Variants in HRNR observed in about 807,000 individuals in gnomAD.
HRNR encodes hornerin.
Under a neutral mutation model 4.8 loss-of-function variants are expected in HRNR, and 7 were observed. That is an observed-to-expected ratio of 1.47 (90% CI 0.83 to 2.75). The LOEUF is 2.75. Ranked by LOEUF, HRNR falls within the 30% of genes most tolerant of loss-of-function variation. The pLI, the probability that HRNR is intolerant of heterozygous loss-of-function variation, is 0.00. For missense variants in HRNR, 2,879 were observed against 3,010.4 expected, an observed-to-expected ratio of 0.96 and a Z score of 1.02; for synonymous variants, 1,023 against 1,242.7, an observed-to-expected ratio of 0.82 and a Z score of 3.72.
chr1:152,219,610 G>T lies in HRNR; in HGVS notation c.2019C>A (p.Ser673=), dbSNP rs1186355884. The change falls in exon 3 of 3, where the codon TCC becomes TCA. Residue 673 remains serine (S), a synonymous_variant. Coordinates refer to ENST00000368801, the MANE Select transcript of HRNR (RefSeq NM_001009931.3). ...GRHGSDFGHS[S]SYGQHGSGSG... ...AGCCAGACCCATGTTGGCCGTAGCT[G>T]GAAGAGTGCCCAAAATCGGACCCAT... 1 of 1,609,796 alleles carries T rather than the reference G, an allele frequency of 6.2e-7. No individual in the cohort carries two copies. The highest frequency in any genetic ancestry group is 8.5e-7 in the Non-Finnish European group (1 of 1,177,548).
rs761998946 is a variant in HRNR at position 152,221,197 on chromosome 1, G to T, written c.432C>A (p.Val144=). The part of the protein sequence containing the change: ...AGENDSYSRN[V]RGSLKPGTES... Reference sequence around the variant, plus strand: ...CAGTCCCAGGTTTAAGACTTCCTCTGACGTTTCTGGAATAGGAATCATTCT... The same window carrying T: ...CAGTCCCAGGTTTAAGACTTCCTCTTACGTTTCTGGAATAGGAATCATTCT... The change falls in exon 3 of 3, where the codon GTC becomes GTA. Residue 144 remains valine (V), a synonymous_variant. Coordinates refer to ENST00000368801, the MANE Select transcript of HRNR (RefSeq NM_001009931.3). 3 of 1,614,094 alleles carry T rather than the reference G, an allele frequency of 1.9e-6. No individual in the cohort carries two copies. The highest frequency in any genetic ancestry group is 2.5e-6 in the Non-Finnish European group (3 of 1,180,030).
Position 152,213,211 on chromosome 1 carries a change from C to A in HRNR, c.8418G>T (p.Gly2806=), listed in dbSNP as rs768688889. 3.7e-6 allele frequency: 6 copies of A among 1,614,132 alleles called. No homozygotes were observed. In the Admixed American group the frequency reaches 1.0e-4, roughly 27 times the overall value. Residue 2806 remains glycine (G), a synonymous_variant, in exon 3 of 3, where the codon GGG becomes GGT. Coordinates refer to ENST00000368801, the MANE Select transcript of HRNR (RefSeq NM_001009931.3). ...SGYSQHGSGS[G]QDGYSYCKGG... ...CTTTGCAATAAGAATACCCATCTTG[C>A]CCTGAGCCACTTCCATGCTGACTAT... is the stretch of plus-strand genomic sequence containing the variant.
Position 152,218,765 on chromosome 1 carries a change from G to T in HRNR, c.2864C>A (p.Ser955Tyr). 1 of 1,614,004 alleles carries T rather than the reference G, an allele frequency of 6.2e-7. No individual in the cohort carries two copies. Among genetic ancestry groups the T allele is most frequent in the Non-Finnish European group, 8.5e-7 (1 of 1,180,028 alleles). ...TQHGSGSGHSSSYEQHGSRSG... is the reference protein window; with the variant it reads ...TQHGSGSGHSYSYEQHGSRSG... ...CCTAGAGCCGTGTTGTTCGTAGCTG[G>T]AGGAGTGACCTGAGCCAGATCCATG... The change falls in exon 3 of 3, where the codon TCC (serine) becomes TAC (tyrosine). Residue 955 changes from serine to tyrosine, a missense_variant. Physicochemically the swap from Ser to Tyr is moderately radical, Grantham distance 144 (BLOSUM62 -2). Transcript: ENST00000368801.
chr1:152,219,022 C>T lies in HRNR; in HGVS notation c.2607G>A (p.Gln869=), dbSNP rs142836430. The T allele has an allele frequency of 6.2e-7, 1 of 1,613,958 alleles. No homozygotes were observed. The highest frequency in any genetic ancestry group is 8.5e-7 in the Non-Finnish European group (1 of 1,179,982). ...SSSGQSSSYG[Q]HESASHHASG... is the part of the protein sequence containing the mutation. ...AAGCGTGATGGGAGGCAGACTCATGCTGACCATAGCTGGAAGATTGACCTG... is the reference window on the plus strand; with the variant it reads ...AAGCGTGATGGGAGGCAGACTCATGTTGACCATAGCTGGAAGATTGACCTG... The change falls in exon 3 of 3, where the codon CAG becomes CAA. Residue 869 remains glutamine, a synonymous_variant. Coordinates refer to ENST00000368801, the MANE Select transcript of HRNR (RefSeq NM_001009931.3).
rs201281270 is a variant in HRNR, at chr1:152,221,400, T to G, written c.229A>C (p.Met77Leu). ...KKVDFTEYLL[M>L]IFKLVQARNK... The stretch of plus-strand genomic sequence containing the variant: ...CGAGCCTGAACCAGCTTGAATATCA[T>G]CAGAAGATACTCAGTAAAATCCACT... The change falls in exon 3 of 3, where the codon ATG becomes CTG. Residue 77 changes from methionine (M) to leucine (L), a missense_variant. Physicochemically the swap from Met to Leu is conservative, Grantham distance 15. Coordinates refer to ENST00000368801, the MANE Select transcript of HRNR (RefSeq NM_001009931.3). 396 of 1,613,736 alleles carry G rather than the reference T, an allele frequency of 2.5e-4. No homozygotes were observed. Among genetic ancestry groups the G allele is most frequent in the South Asian group, 4.8e-4 (44 of 91,056 alleles).
Position 152,218,664 on chromosome 1 carries a change from C to T in HRNR, c.2965G>A (p.Gly989Ser). The change falls in exon 3 of 3, where the codon GGC (glycine) becomes AGC (serine). Residue 989 changes from glycine to serine, a missense_variant. Physicochemically the swap from Gly to Ser is moderately conservative, Grantham distance 56. Coordinates refer to ENST00000368801, the MANE Select transcript of HRNR (RefSeq NM_001009931.3). ...SSSSYGQHGS[G>S]SRQSLGHGQH... ...CCGTGGCCCAAAGACTGACGGGAGC[C>T]AGACCCATGCTGACCATAGCTGGAA... 6.2e-7 allele frequency: 1 copy of T among 1,613,856 alleles called. No individual in the cohort carries two copies. The highest frequency in any genetic ancestry group is 8.5e-7 in the Non-Finnish European group (1 of 1,179,996).
In HRNR at chr1:152,218,930, G is replaced by C. The variant is rs1432865922; in HGVS notation, c.2699C>G (p.Ser900Ter). ...SPGHGQRGSG[S>*]GQSPSYGRHG... Reference sequence around the variant, plus strand: ...TCGGCCATAGCTGGGAGACTGCCCTGACCCAGACCCACGCTGGCCGTGGCC... The same window carrying C: ...TCGGCCATAGCTGGGAGACTGCCCTCACCCAGACCCACGCTGGCCGTGGCC... The change falls in exon 3 of 3, where the codon TCA (serine) becomes TGA (stop). Residue 900 changes from serine to a stop codon, truncating the protein, a stop_gained. Transcript: ENST00000368801. LOFTEE classifies it low-confidence loss of function (END_TRUNC). The C allele has an allele frequency of 1.2e-6, 2 of 1,613,768 alleles. No homozygotes were observed. The highest frequency in any genetic ancestry group is 1.6e-4 in the Middle Eastern group (1 of 6,082).
At position 152,218,814 on chromosome 1, in the gene HRNR, C is replaced by G. The variant is rs200852837; in HGVS notation, c.2815G>C (p.Gly939Arg). 1.0e-4 allele frequency: 169 copies of G among 1,613,222 alleles called. 1 individual carries two copies. The highest frequency in any genetic ancestry group is 1.7e-5 in the Admixed American group (1 of 59,936). Residue 939 changes from glycine to arginine, a missense_variant, in exon 3 of 3, where the codon GGG becomes CGG. Physicochemically the swap from Gly to Arg is moderately radical, Grantham distance 125 (BLOSUM62 -2). Transcript: ENST00000368801. ...TGCTGAGTGTAACCAGAGGACTGCC[C>G]TGAGCTAGACTTGTGACCAAAGCCA... The part of the protein sequence containing the change: ...SSGFGHKSSS[G>R]QSSGYTQHGS...
Position 152,219,013 on chromosome 1 carries a change from A to T in HRNR, c.2616T>A (p.Ser872=), listed in dbSNP as rs564308462. The stretch of plus-strand genomic sequence containing the variant: ...CGCGGCCCGAAGCGTGATGGGAGGC[A>T]GACTCATGCTGACCATAGCTGGAAG... ...GQSSSYGQHE[S]ASHHASGRGR... The change falls in exon 3 of 3, where the codon TCT becomes TCA. Residue 872 remains serine (S), a synonymous_variant. Coordinates refer to ENST00000368801, the MANE Select transcript of HRNR (RefSeq NM_001009931.3). 4.3e-6 allele frequency: 7 copies of T among 1,612,974 alleles called. No homozygotes were observed. In the Admixed American group the frequency reaches 5.0e-5, roughly 12 times the overall value.
chr1:152,219,621 C>A lies in HRNR; in HGVS notation c.2008G>T (p.Gly670Trp), dbSNP rs759793201. The change falls in exon 3 of 3, where the codon GGG becomes TGG. Residue 670 changes from glycine (G) to tryptophan (W), a missense_variant. Coordinates refer to ENST00000368801, the MANE Select transcript of HRNR (RefSeq NM_001009931.3). ...TGTTGGCCGTAGCTGGAAGAGTGCCCAAAATCGGACCCATGTCGGCCGCGA... is the reference window on the plus strand; with the variant it reads ...TGTTGGCCGTAGCTGGAAGAGTGCCAAAAATCGGACCCATGTCGGCCGCGA... ...PSRGRHGSDF[G>W]HSSSYGQHGS... The A allele has an allele frequency of 1.2e-6, 2 of 1,609,950 alleles. No homozygotes were observed. The highest frequency in any genetic ancestry group is 1.7e-6 in the Non-Finnish European group (2 of 1,177,694).
In HRNR at chr1:152,212,754, G is replaced by A; in HGVS notation, c.*322C>T. The A allele has an allele frequency of 1.1e-5, 4 of 375,054 alleles. No homozygotes were observed. The South Asian group carries it at 1.4e-4, about 13-fold the overall frequency. 23.2% of individuals were successfully genotyped at this position (375,054 alleles called of 1,614,324 possible). A position where few individuals can be genotyped will look rare whatever the true frequency, so the allele number is the denominator to read the frequency against. On this transcript the variant is annotated 3_prime_UTR_variant, in exon 3 of 3. Coordinates refer to ENST00000368801, the MANE Select transcript of HRNR (RefSeq NM_001009931.3). ...TTGGCACCATCTATAAATGAATGAT[G>A]AGCTCTCAAAAAGACAACTCCAACT...
Position 152,219,904 on chromosome 1 carries a change from C to G in HRNR, c.1725G>C (p.Glu575Asp), listed in dbSNP as rs779205456. 2.5e-6 allele frequency: 4 copies of G among 1,613,478 alleles called. No individual in the cohort carries two copies. The highest frequency in any genetic ancestry group is 1.7e-5 in the Admixed American group (1 of 59,958). ...AGCCAGAAGAGTGACCGGAGCCAGA[C>G]TCATATGGGCCACGGCTTGAAGACC... is the stretch of plus-strand genomic sequence containing the variant. ...SGRSSSRGPYESGSGHSSGLG... is the reference protein window; with the variant it reads ...SGRSSSRGPYDSGSGHSSGLG... Residue 575 changes from glutamate (E) to aspartate (D), a missense_variant, in exon 3 of 3, where the codon GAG becomes GAC. By Grantham distance (45) the Glu-to-Asp change is conservative. Transcript: ENST00000368801.
chr1:152,222,996 C>G (rs1385622349), intron 2 of HRNR, 120 bp downstream of exon 2: 6 of 1,023,452 alleles, frequency 5.9e-6, no homozygotes, highest in East Asian at 4.9e-5. Flanking sequence ...TTTACCAAAC[C>G]CTGTTCTCTC....
chr1:152,220,300 C>T lies in HRNR; in HGVS notation c.1329G>A (p.Gly443=), dbSNP rs1225739773. The change falls in exon 3 of 3, where the codon GGG becomes GGA. Residue 443 remains glycine (G), a synonymous_variant. Transcript: ENST00000368801. ...TGCTGGAAGATCGACCAAAGCCAGTCCCATGTTGGCCGGAGCTGGGAGACT... is the reference window on the plus strand; with the variant it reads ...TGCTGGAAGATCGACCAAAGCCAGTTCCATGTTGGCCGGAGCTGGGAGACT... ...SGQSPSSGQH[G]TGFGRSSSSG... The T allele has an allele frequency of 6.8e-6, 11 of 1,613,842 alleles. No homozygotes were observed. The highest frequency in any genetic ancestry group is 9.3e-6 in the Non-Finnish European group (11 of 1,179,988).
rs1452823014 is a variant in HRNR at position 152,218,840 on chromosome 1, G to T, written c.2789C>A (p.Ser930Tyr). 6.2e-7 allele frequency: 1 copy of T among 1,613,930 alleles called. No homozygotes were observed. The highest frequency in any genetic ancestry group is 8.5e-7 in the Non-Finnish European group (1 of 1,179,998). The change falls in exon 3 of 3, where the codon TCT becomes TAT. Residue 930 changes from serine to tyrosine, a missense_variant. Coordinates refer to ENST00000368801, the MANE Select transcript of HRNR (RefSeq NM_001009931.3). ...TGAGCTAGACTTGTGACCAAAGCCA[G>T]AAGACTGGCCTGAGCCAGACCCATG... Reference protein sequence around the residue: ...GRHGSGSGQSSGFGHKSSSGQ... With the variant: ...GRHGSGSGQSYGFGHKSSSGQ...
rs532401490 is a variant in HRNR, at chr1:152,212,308, A to G, written c.*768T>C. 3.9e-5 allele frequency: 6 copies of G among 152,330 alleles called. 1 individual carries two copies. The highest frequency in any genetic ancestry group is 1.4e-4 in the African/African-American group (6 of 41,570). 9.4% of individuals were successfully genotyped at this position (152,330 alleles called of 1,614,324 possible). A position where few individuals can be genotyped will look rare whatever the true frequency, so the allele number is the denominator to read the frequency against. On this transcript the variant is annotated 3_prime_UTR_variant, in exon 3 of 3. Transcript: ENST00000368801. Reference sequence around the variant, plus strand: ...GAATAACTCCTCAATATATTTCCCAATATTGAGCAGCCTCTTAGAAATAGG... The same window carrying G: ...GAATAACTCCTCAATATATTTCCCAGTATTGAGCAGCCTCTTAGAAATAGG...
At position 152,218,903 on chromosome 1, in the gene HRNR, T is replaced by C. The variant is rs758761361; in HGVS notation, c.2726A>G (p.His909Arg). The C allele has an allele frequency of 4.3e-6, 7 of 1,613,474 alleles. No homozygotes were observed. The South Asian group carries it at 6.6e-5, about 15-fold the overall frequency. Residue 909 changes from histidine (H) to arginine (R), a missense_variant, in exon 3 of 3, where the codon CAT becomes CGT. Transcript: ENST00000368801. ...GGAAGACCGACCGGAGCCAGACCCA[T>C]GTCGGCCATAGCTGGGAGACTGCCC... ...GSGQSPSYGR[H>R]GSGSGRSSSS...
At chr1:152,223,643 G>T (rs1457893883) in intron 1 of HRNR, among the ~76,000 whole-genome samples, 1 of 152,114 alleles carries the variant, frequency 6.6e-6, no homozygotes, top group Non-Finnish European at 1.5e-5. Context: ...AGCATACTGT[G>T]GGCATAGGTC....
rs759793201 is a variant in HRNR at position 152,219,621 on chromosome 1, C to T, written c.2008G>A (p.Gly670Arg). 2 of 1,609,950 alleles carry T rather than the reference C, an allele frequency of 1.2e-6. No individual in the cohort carries two copies. The highest frequency in any genetic ancestry group is 1.3e-5 in the African/African-American group (1 of 74,682). Residue 670 changes from glycine (G) to arginine (R), a missense_variant, in exon 3 of 3, where the codon GGG (glycine) becomes AGG (arginine). Coordinates refer to ENST00000368801, the MANE Select transcript of HRNR (RefSeq NM_001009931.3). ...TGTTGGCCGTAGCTGGAAGAGTGCC[C>T]AAAATCGGACCCATGTCGGCCGCGA... Reference protein sequence around the residue: ...PSRGRHGSDFGHSSSYGQHGS... With the variant: ...PSRGRHGSDFRHSSSYGQHGS...
Sources: allele counts gnomAD v4.1 joint callset (sites outside exome capture counted in the v4.1 genomes callset), GRCh38; gene constraint gnomAD v4.1.1; transcripts MANE v1.5; gene names NCBI Gene and HGNC (gene_info 2026-07-23, HGNC 2026-07-21).